The following MYOM1 variants were observed in gnomAD, a reference collection of about 807,000 sequenced individuals.
MYOM1 encodes myomesin-1.
Under a neutral mutation model 205.3 loss-of-function variants are expected in MYOM1, and 164 were observed. The ratio of observed to expected loss-of-function variants is 0.80; its 90% CI spans 0.70 to 0.91. The LOEUF is 0.91. Ranked by LOEUF, MYOM1 falls within the 40% of genes least tolerant of loss-of-function variation. The probability of loss-of-function intolerance (pLI) is 0.00; values close to 1 mark genes in which losing one functional copy is unlikely to be tolerated. For synonymous variants in MYOM1, 772 were observed against 789.4 expected (o/e 0.98, Z 0.37); for missense variants, 2,011 against 2,127.3 (o/e 0.95, Z 1.08).
intron 2 of MYOM1, among the ~76,000 whole-genome samples, chr18:3,200,731 CG>C (rs2081055282): frequency 4.0e-5 from 6 of 151,832 alleles, no homozygotes; most frequent in Admixed American, 3.9e-4. Context: ...GCCTCAGAAA[CG>C]TGTGAGACAA....
chr18:3,221,493 C>G (rs1414815836), upstream of MYOM1, among the ~76,000 whole-genome samples: 1 of 152,188 alleles, frequency 6.6e-6, no homozygotes, highest in Non-Finnish European at 1.5e-5. Context: ...CTTCATTACC[C>G]CGTTGAGGAA....
At chr18:3,172,635 G>A (rs2080577279) in intron 8 of MYOM1, among the ~76,000 whole-genome samples, 1 of 151,976 alleles carries the variant, frequency 6.6e-6, no homozygotes, top group Non-Finnish European at 1.5e-5. Context: ...TCAGCCTCCT[G>A]AGTAGCTGGG....
chr18:3,148,710 G>A (rs533762093), intron 13 of MYOM1, among the ~76,000 whole-genome samples: 4 of 151,240 alleles, frequency 2.6e-5, no homozygotes, highest in East Asian at 3.9e-4. Context: ...GCCAGGCGTA[G>A]TGGCGGGCGC....
rs369337982 is a variant in MYOM1 at position 3,219,263 on chromosome 18, A to G, written c.-29+540T>C. On this transcript the variant is annotated intron_variant, in intron 1 of 37. Coordinates refer to ENST00000356443, the MANE Select transcript of MYOM1 (RefSeq NM_003803.4). This position sits in a 1 kb window ranked among gnomAD's most constrained non-coding sequence, Gnocchi z 4.4. ...CAGAAAAATCACTATGTGGGGCTCT[A>G]TGTTGCCTCTGAAATATTACTTAAC... Among the ~76,000 whole-genome samples, 157 of 152,290 alleles carry G rather than the reference A, an allele frequency of 1.0e-3. 1 individual carries two copies. Among genetic ancestry groups the G allele is most frequent in the African/African-American group, 3.6e-3 (150 of 41,558 alleles).
the MYOM1 span, among the ~76,000 whole-genome samples, chr18:3,243,748 G>A: frequency 6.6e-6 from 1 of 152,174 alleles, no homozygotes; most frequent in East Asian, 1.9e-4. Context: ...GATCATTCAA[G>A]TATTTGAGCT....
At position 3,120,100 on chromosome 18, in the gene MYOM1, A is replaced by T; in HGVS notation, c.2992-105T>A. ...TTACCTTCCATGTCAGACACACCCT[A>T]GGGTGACCCTCAATGAGTCACACCC... On this transcript the variant is annotated intron_variant, in intron 19 of 37. Transcript: ENST00000356443. 37 of 1,427,226 alleles carry T rather than the reference A, an allele frequency of 2.6e-5. No individual in the cohort carries two copies. In the Admixed American group the frequency reaches 3.0e-4, roughly 12 times the overall value. 88.4% of individuals were successfully genotyped at this position (1,427,226 alleles called of 1,614,324 possible). A position where few individuals can be genotyped will look rare whatever the true frequency, so the allele number is the denominator to read the frequency against.
chr18:3,142,110 C>T, intron 13 of MYOM1, 47 bp from the exon 14 acceptor site: 1 of 1,595,354 alleles, frequency 6.3e-7, no homozygotes, highest in Non-Finnish European at 8.6e-7. Flanking sequence ...CTGGGTAGCC[C>T]AGGATACTCA....
chr18:3,208,725 A>C (rs1364419781), intron 2 of MYOM1, among the ~76,000 whole-genome samples: 1 of 152,054 alleles, frequency 6.6e-6, no homozygotes, highest in Non-Finnish European at 1.5e-5. Flanking sequence ...TTTTTCTTAT[A>C]TATAATAATT....
chr18:3,242,520 C>G, the MYOM1 span, among the ~76,000 whole-genome samples: 1 of 151,880 alleles, frequency 6.6e-6, no homozygotes, highest in Non-Finnish European at 1.5e-5. Flanking sequence ...GTCTTTTTTT[C>G]TTTTCTGAGA....
At chr18:3,173,077 C>T (rs1218178156) in intron 8 of MYOM1, among the ~76,000 whole-genome samples, 6 of 152,262 alleles carry the variant, frequency 3.9e-5, no homozygotes, top group African/African-American at 1.4e-4. Context: ...CAAATTAGGG[C>T]TTGACTACCT....
intron 5 of MYOM1, among the ~76,000 whole-genome samples, chr18:3,186,983 GA>G (rs776332967): frequency 1.1e-4 from 17 of 151,324 alleles, no homozygotes; most frequent in Admixed American, 6.6e-5. Context: ...AAAGAAGAAA[GA>G]AAAAAAGAAA....
At chr18:3,184,977 T>A (rs2080790301) in intron 5 of MYOM1, among the ~76,000 whole-genome samples, 1 of 152,262 alleles carries the variant, frequency 6.6e-6, no homozygotes, top group African/African-American at 2.4e-5. Context: ...GGATCAACTC[T>A]ACTGCTTCTT....
In MYOM1 at chr18:3,176,135, CTA is replaced by C. The variant is rs1342639143; in HGVS notation, c.930-3_930-2del. 1 of 1,579,490 alleles carries C rather than the reference CTA, an allele frequency of 6.3e-7. No homozygotes were observed. The highest frequency in any genetic ancestry group is 1.3e-5 in the African/African-American group (1 of 74,152). On this transcript the variant is annotated splice_acceptor_variant and splice_polypyrimidine_tract_variant and intron_variant, in intron 5 of 37. Coordinates refer to ENST00000356443, the MANE Select transcript of MYOM1 (RefSeq NM_003803.4). LOFTEE classifies it high-confidence loss of function. ...ATTTATTGGCACCTGGTTTTTATACCTATAACAGAATGGAAACAAAATGAAGT... is the reference window on the plus strand; with the variant it reads ...ATTTATTGGCACCTGGTTTTTATACCTAACAGAATGGAAACAAAATGAAGT...
chr18:3,221,434 C>G (rs144055692), upstream of MYOM1, among the ~76,000 whole-genome samples: 1 of 152,288 alleles, frequency 6.6e-6, no homozygotes, highest in East Asian at 1.9e-4. Context: ...CTGGGATAGG[C>G]AGTTTATATA....
At position 3,182,445 on chromosome 18, in the gene MYOM1, A is replaced by T. The variant is rs192100617; in HGVS notation, c.929+5035T>A. 4.6e-5 allele frequency among the ~76,000 whole-genome samples: 7 copies of T among 152,366 alleles called. No individual in the cohort carries two copies. In the East Asian group the frequency reaches 1.2e-3, roughly 25 times the overall value. On this transcript the variant is annotated intron_variant, in intron 5 of 37. Coordinates refer to ENST00000356443, the MANE Select transcript of MYOM1 (RefSeq NM_003803.4). ...ACTTAAAGTATTATAATAATAATAA[A>T]AAGTATACAATTAACACTATTCTCT...
intron 14 of MYOM1, 78 bp downstream of exon 14, chr18:3,141,861 C>A: frequency 1.3e-6 from 2 of 1,574,368 alleles, no homozygotes; most frequent in Non-Finnish European, 1.7e-6. Context: ...ACTCCATTGT[C>A]CCTGGGAATT....
intron 23 of MYOM1, among the ~76,000 whole-genome samples, chr18:3,101,134 T>C (rs1328260969): frequency 6.6e-6 from 1 of 152,252 alleles, no homozygotes; most frequent in African/African-American, 2.4e-5. Context: ...ATGTGTTTTA[T>C]GTCAAGAAAT....
intron 20 of MYOM1, among the ~76,000 whole-genome samples, chr18:3,117,364 G>T (rs1354854712): frequency 6.6e-6 from 1 of 152,194 alleles, no homozygotes; most frequent in Non-Finnish European, 1.5e-5. Context: ...ATAGGTTATG[G>T]TTTACAAAAT....
chr18:3,102,568 C>G lies in MYOM1; in HGVS notation c.3481G>C (p.Asp1161His), dbSNP rs2079394843. The change falls in exon 23 of 38, where the codon GAT (aspartate) becomes CAT (histidine). Residue 1161 changes from aspartate to histidine, a missense_variant. Physicochemically the swap from Asp to His is moderately conservative, Grantham distance 81. Transcript: ENST00000356443. Reference protein sequence around the residue: ...DGVISLNFECDKMTPKSEFSW... With the variant: ...DGVISLNFECHKMTPKSEFSW... ...AACTCGGACTTTGGAGTCATCTTAT[C>G]ACACTCGAAGTTCAATGAAATGACT... is the stretch of plus-strand genomic sequence containing the variant. The G allele has an allele frequency of 1.9e-6, 3 of 1,613,852 alleles. No individual in the cohort carries two copies. Among genetic ancestry groups the G allele is most frequent in the Non-Finnish European group, 2.5e-6 (3 of 1,179,806 alleles).
Sources: gnomAD v4.1 joint callset for allele counts (sites outside exome capture counted in the v4.1 genomes callset) on GRCh38, gnomAD v4.1.1 for gene constraint, Gnocchi (gnomAD v3.1) non-coding constraint, MANE v1.5 for transcripts, NCBI Gene and HGNC (gene_info 2026-07-23, HGNC 2026-07-21) for gene names.